The following DCC variants were observed in gnomAD, a reference collection of about 807,000 sequenced individuals.
DCC encodes DCC netrin 1 receptor.
A neutral mutation model predicts 172.5 loss-of-function variants in DCC; 58 were observed. That is an observed-to-expected ratio of 0.34 (90% CI 0.27 to 0.42). DCC has a LOEUF of 0.42. DCC is among the 10% of genes least tolerant of loss of function. The probability of loss-of-function intolerance (pLI) is 1.00; values close to 1 mark genes in which losing one functional copy is unlikely to be tolerated. For missense variants in DCC, 1,740 were observed against 1,791.0 expected, an observed-to-expected ratio of 0.97 and a Z score of 0.51; for synonymous variants, 709 against 644.5, an observed-to-expected ratio of 1.10 and a Z score of -1.52.
intron 8 of DCC, among the ~76,000 whole-genome samples, chr18:53,167,911 G>C (rs1457869484): frequency 1.3e-5 from 2 of 152,164 alleles, no homozygotes; most frequent in Non-Finnish European, 2.9e-5. Context: ...TTTGAAACAA[G>C]CTTTTGCCAA....
intron 5 of DCC, among the ~76,000 whole-genome samples, chr18:52,988,300 C>T (rs1300588374): frequency 6.6e-6 from 1 of 151,810 alleles, no homozygotes; most frequent in Admixed American, 6.6e-5. Flanking sequence ...TTACTTTATA[C>T]AATTATTAAA....
chr18:52,356,606 G>C (rs995437160), intron 1 of DCC, among the ~76,000 whole-genome samples: 2 of 152,106 alleles, frequency 1.3e-5, no homozygotes, highest in Admixed American at 6.5e-5. Context: ...GCTTATCTGA[G>C]ACTTTCTGTC....
intron 2 of DCC, among the ~76,000 whole-genome samples, chr18:52,766,001 G>A (rs185513874): frequency 5.1e-4 from 78 of 152,268 alleles, no homozygotes; most frequent in African/African-American, 1.5e-3. Context: ...CACTGGACTC[G>A]CAACAGGGGT....
At chr18:52,785,857 T>C (rs2037647333) in intron 2 of DCC, among the ~76,000 whole-genome samples, 1 of 152,100 alleles carries the variant, frequency 6.6e-6, no homozygotes, top group African/African-American at 2.4e-5. Context: ...TAACTTCTCC[T>C]AAGCATCCTT....
chr18:53,016,102 C>A (rs2143899320), intron 5 of DCC, among the ~76,000 whole-genome samples: 1 of 152,060 alleles, frequency 6.6e-6, no homozygotes, highest in Non-Finnish European at 1.5e-5. Context: ...AAATAAAGTA[C>A]ATTTATTTGT....
At chr18:52,820,504 A>G (rs963556195) in intron 2 of DCC, among the ~76,000 whole-genome samples, 4 of 152,068 alleles carry the variant, frequency 2.6e-5, no homozygotes, top group Non-Finnish European at 5.9e-5. Context: ...TTTTTTTCTC[A>G]ATTTCTAGAG....
intron 1 of DCC, among the ~76,000 whole-genome samples, chr18:52,574,264 T>C (rs2144764112): frequency 6.6e-6 from 1 of 152,300 alleles, no homozygotes; most frequent in East Asian, 1.9e-4. Context: ...TGGCTAACCA[T>C]TTATGAGGAA....
intron 1 of DCC, among the ~76,000 whole-genome samples, chr18:52,583,218 G>A (rs1459925151): frequency 6.6e-6 from 1 of 152,148 alleles, no homozygotes; most frequent in Non-Finnish European, 1.5e-5. Flanking sequence ...ACAAAAGCTA[G>A]CGTAAGATAG....
At chr18:52,884,969 T>C (rs1034800950) in intron 2 of DCC, among the ~76,000 whole-genome samples, 2 of 152,162 alleles carry the variant, frequency 1.3e-5, no homozygotes, top group Non-Finnish European at 2.9e-5. Context: ...TGGGTTACCA[T>C]GCAGAAACTC....
chr18:52,812,401 A>T (rs1426785478), intron 2 of DCC, among the ~76,000 whole-genome samples: 1 of 152,196 alleles, frequency 6.6e-6, no homozygotes, highest in Non-Finnish European at 1.5e-5. Flanking sequence ...AGGAGGGAAG[A>T]CAAGTATCTT....
chr18:53,175,794 C>G (rs991204375), intron 8 of DCC, among the ~76,000 whole-genome samples: 19 of 151,720 alleles, frequency 1.3e-4, no homozygotes, highest in Admixed American at 1.3e-4. Flanking sequence ...ATCAAGCTAC[C>G]AATGCCTTTC....
chr18:53,294,853 T>G (rs897558498), intron 12 of DCC, among the ~76,000 whole-genome samples: 7 of 152,210 alleles, frequency 4.6e-5, no homozygotes, highest in Non-Finnish European at 8.8e-5. Flanking sequence ...AGAGTTCCAC[T>G]GGCACTTTTA....
chr18:52,498,303 GA>G (rs2144620584), intron 1 of DCC, among the ~76,000 whole-genome samples: 1 of 152,186 alleles, frequency 6.6e-6, no homozygotes, highest in African/African-American at 2.4e-5. Context: ...GCTGCCATAA[GA>G]AAATACCACA....
At position 52,857,980 on chromosome 18, in the gene DCC, A is replaced by C. The variant is rs139323355; in HGVS notation, c.413-48064A>C. 1.2e-3 allele frequency among the ~76,000 whole-genome samples: 187 copies of C among 152,316 alleles called. 1 individual carries two copies. The East Asian group carries it at 0.033, about 27-fold the overall frequency. The stretch of plus-strand genomic sequence containing the variant: ...AAAAGAATATTTGGAAATTAATGCC[A>C]CTGGAAAGGGGGAATTAAAATGACT... On this transcript the variant is annotated intron_variant, in intron 2 of 28. Transcript: ENST00000442544.
intron 27 of DCC, among the ~76,000 whole-genome samples, chr18:53,508,566 G>T (rs2046212860): frequency 1.3e-5 from 2 of 152,122 alleles, no homozygotes. Context: ...TTTTAGTGTT[G>T]CACTTAAAAG....
Position 53,363,529 on chromosome 18 carries a change from GTTCTT to G in DCC, c.2360-22511_2360-22507del, listed in dbSNP as rs140566781. On this transcript the variant is annotated intron_variant, in intron 15 of 28. Coordinates refer to ENST00000442544, the MANE Select transcript of DCC (RefSeq NM_005215.4). The stretch of plus-strand genomic sequence containing the variant: ...GTGAATGTGCTCATGTGGGAGCTGC[GTTCTT>G]TTATAACTCTCCATTCTCTCCCGTG... Among the ~76,000 whole-genome samples the G allele has an allele frequency of 5.6e-3, 849 of 152,168 alleles. 6 individuals are homozygous for G. Among genetic ancestry groups the G allele is most frequent in the Admixed American group, 0.024 (373 of 15,276 alleles).
At chr18:53,337,081 T>G (rs2057600156) in intron 14 of DCC, among the ~76,000 whole-genome samples, 1 of 152,236 alleles carries the variant, frequency 6.6e-6, no homozygotes, top group African/African-American at 2.4e-5. Flanking sequence ...TGTTTAAAGC[T>G]CCGATGAATA....
intron 21 of DCC, among the ~76,000 whole-genome samples, chr18:53,434,318 A>C (rs1875560): frequency 0.095 from 14,407 of 152,162 alleles, 863 homozygotes; most frequent in Non-Finnish European, 0.14. Context: ...AATGTTTTAC[A>C]TAAGTAGTCT....
chr18:52,461,562 C>A (rs1988631467), intron 1 of DCC, among the ~76,000 whole-genome samples: 1 of 152,074 alleles, frequency 6.6e-6, no homozygotes, highest in East Asian at 1.9e-4. Context: ...AACAGCATCA[C>A]CACAAACACA....
Sources: allele counts gnomAD v4.1 joint callset (sites outside exome capture counted in the v4.1 genomes callset), GRCh38; gene constraint gnomAD v4.1.1; transcripts MANE v1.5; gene names NCBI Gene and HGNC (gene_info 2026-07-23, HGNC 2026-07-21).